Variants in NT5DC1 observed in about 807,000 individuals in gnomAD.
NT5DC1 encodes the protein 5'-nucleotidase domain containing 1.
A neutral mutation model predicts 59.4 loss-of-function variants in NT5DC1; 42 were observed. The observed-to-expected ratio is 0.71, with a 90% CI of 0.55 to 0.92. The LOEUF (loss-of-function observed/expected upper bound fraction) is 0.92. Among genes scored for constraint, NT5DC1 ranks in the 40% least tolerant of loss-of-function variants. The pLI is 0.00. For synonymous variants in NT5DC1, 172 were observed against 188.1 expected (o/e 0.91, Z 0.70); for missense variants, 501 against 537.1 (o/e 0.93, Z 0.66).
chr6:116,102,299 C>T (rs920595468), intron 1 of NT5DC1, among the ~76,000 whole-genome samples: 1 of 152,198 alleles, frequency 6.6e-6, no homozygotes, highest in Non-Finnish European at 1.5e-5. Flanking sequence ...CGTGTGTTTT[C>T]TATGCCCAGA....
In NT5DC1 at chr6:116,135,834, GATATATATATATATAT is replaced by G. The variant is rs199827970; in HGVS notation, c.529+17913_529+17928del. On this transcript the variant is annotated intron_variant, in intron 6 of 11. Transcript: ENST00000319550. ...ATTTATGGTATACAATATATTTTCAGATATATATATATATATATATATATATATATATATATATACA... is the reference window on the plus strand; with the variant it reads ...ATTTATGGTATACAATATATTTTCAGATATATATATATATATATATATACA... 3.0e-3 allele frequency among the ~76,000 whole-genome samples: 309 copies of G among 102,356 alleles called. 3 individuals carry two copies. The highest frequency in any genetic ancestry group is 0.015 in the East Asian group (57 of 3,876). 67.1% of individuals were successfully genotyped at this position (102,356 alleles called of 152,430 possible).
At chr6:116,122,992 G>A (rs564561468) in intron 6 of NT5DC1, among the ~76,000 whole-genome samples, 1 of 152,120 alleles carries the variant, frequency 6.6e-6, no homozygotes, top group Non-Finnish European at 1.5e-5. Flanking sequence ...GTACATACAT[G>A]ATTATATTAT....
chr6:116,110,720 A>G (rs1350281103), intron 3 of NT5DC1, 130 bp from the exon 4 acceptor site: 1 of 743,646 alleles, frequency 1.3e-6, no homozygotes, highest in African/African-American at 1.7e-5. Context: ...GGAGGCACCC[A>G]GTTGAAAACA....
chr6:116,167,587 T>C (rs1257423653), intron 6 of NT5DC1, among the ~76,000 whole-genome samples: 1 of 152,180 alleles, frequency 6.6e-6, no homozygotes, highest in East Asian at 1.9e-4. Context: ...TTTGATAAAA[T>C]TGCAATATTT....
intron 6 of NT5DC1, among the ~76,000 whole-genome samples, chr6:116,154,991 A>G (rs970194652): frequency 1.3e-5 from 2 of 152,150 alleles, no homozygotes; most frequent in African/African-American, 2.4e-5. Flanking sequence ...TTTAACTTTT[A>G]CTCCCTGTGC....
At chr6:116,150,804 T>A (rs376886606) in intron 6 of NT5DC1, among the ~76,000 whole-genome samples, 1 of 152,196 alleles carries the variant, frequency 6.6e-6, no homozygotes, top group African/African-American at 2.4e-5. Context: ...TGGAGAACCT[T>A]GGAGTCTTAT....
chr6:116,240,636 A>C (rs1582888761), intron 11 of NT5DC1, among the ~76,000 whole-genome samples: 1 of 152,218 alleles, frequency 6.6e-6, no homozygotes, highest in East Asian at 1.9e-4. Flanking sequence ...AAAATGAAGA[A>C]AAAATAAATT....
chr6:116,193,033 G>A (rs1484200133), intron 6 of NT5DC1, among the ~76,000 whole-genome samples: 1 of 151,996 alleles, frequency 6.6e-6, no homozygotes, highest in Non-Finnish European at 1.5e-5. Flanking sequence ...TCCTTTTTAT[G>A]TAAATGCAGC....
intron 6 of NT5DC1, among the ~76,000 whole-genome samples, chr6:116,148,714 TTCTC>T (rs768895908): frequency 8.5e-5 from 13 of 152,310 alleles, no homozygotes; most frequent in East Asian, 1.9e-4. Context: ...TTTTTTGTCT[TTCTC>T]TATGAGAGAT....
At chr6:116,170,649 A>T (rs1341420637) in intron 6 of NT5DC1, among the ~76,000 whole-genome samples, 1 of 152,216 alleles carries the variant, frequency 6.6e-6, no homozygotes, top group East Asian at 1.9e-4. Flanking sequence ...CTGTTTGTGG[A>T]TAAAGCCATG....
chr6:116,137,569 G>C (rs554278069), intron 6 of NT5DC1: 81 of 214,398 alleles, frequency 3.8e-4, no homozygotes, highest in African/African-American at 1.7e-3. Flanking sequence ...TTAGTCAAAG[G>C]CTGCGTTTTC....
chr6:116,178,052 AGT>A (rs61085607), intron 6 of NT5DC1, among the ~76,000 whole-genome samples: 8,634 of 136,256 alleles, frequency 0.063, 343 homozygotes, highest in East Asian at 0.13. Context: ...CAAAGAGGAA[AGT>A]GTGTGTGTGT....
chr6:116,152,408 G>GA (rs576268261), intron 6 of NT5DC1, among the ~76,000 whole-genome samples: 25 of 151,042 alleles, frequency 1.7e-4, no homozygotes, highest in South Asian at 4.2e-4. Context: ...TCAAAAATAA[G>GA]AAAAAAAAAT....
chr6:116,214,820 T>C (rs1041283173), intron 6 of NT5DC1, among the ~76,000 whole-genome samples: 3 of 142,486 alleles, frequency 2.1e-5, no homozygotes, highest in Admixed American at 7.0e-5. Context: ...TAAAGTATAA[T>C]AAAAAAAAAA....
chr6:116,164,183 G>C (rs1274190764), intron 6 of NT5DC1, among the ~76,000 whole-genome samples: 1 of 152,136 alleles, frequency 6.6e-6, no homozygotes, highest in Non-Finnish European at 1.5e-5. Context: ...TTTTCTCTGG[G>C]ATGTCGAAGT....
At chr6:116,135,005 A>G (rs1293244077) in intron 6 of NT5DC1, among the ~76,000 whole-genome samples, 1 of 152,312 alleles carries the variant, frequency 6.6e-6, no homozygotes, top group East Asian at 1.9e-4. Context: ...CTTTTTAGAC[A>G]TAGCTATGCT....
chr6:116,179,352 A>G (rs931478802), intron 6 of NT5DC1, among the ~76,000 whole-genome samples: 1 of 152,156 alleles, frequency 6.6e-6, no homozygotes, highest in African/African-American at 2.4e-5. Context: ...TACTTTCTTC[A>G]GAGAATTGGG....
At chr6:116,127,335 A>G (rs548963654) in intron 6 of NT5DC1, among the ~76,000 whole-genome samples, 1 of 152,286 alleles carries the variant, frequency 6.6e-6, no homozygotes, top group African/African-American at 2.4e-5. Context: ...GTAAATGGAT[A>G]AGGCATCTCA....
intron 6 of NT5DC1, among the ~76,000 whole-genome samples, chr6:116,171,337 T>C (rs7748975): frequency 0.21 from 32,067 of 152,076 alleles, 3,539 homozygotes; most frequent in East Asian, 0.27. Context: ...CATTATTTTG[T>C]GGATTTTGAG....
Sources: gnomAD v4.1 joint callset for allele counts (sites outside exome capture counted in the v4.1 genomes callset) on GRCh38, gnomAD v4.1.1 for gene constraint, MANE v1.5 for transcripts, NCBI Gene and HGNC (gene_info 2026-07-23, HGNC 2026-07-21) for gene names.